Variants in LTBP2 observed in about 807,000 individuals in gnomAD.
LTBP2 encodes latent transforming growth factor beta binding protein 2, also known as latent-transforming growth factor beta-binding protein 2.
LTBP2 carries 103 observed loss-of-function variants against 210.6 expected under a neutral mutation model. The observed-to-expected ratio is 0.49, with a 90% CI of 0.42 to 0.58. The LOEUF is 0.58. LTBP2 is among the 20% of genes least tolerant of loss of function. The probability of loss-of-function intolerance (pLI) is 0.00; values close to 1 mark genes in which losing one functional copy is unlikely to be tolerated. For synonymous variants in LTBP2, 1,007 were observed against 1,015.0 expected (o/e 0.99, Z 0.15); for missense variants, 2,313 against 2,494.5 (o/e 0.93, Z 1.55).
Position 74,508,171 on chromosome 14 carries a change from G to T in LTBP2, c.3653-76C>A. On this transcript the variant is annotated intron_variant, in intron 24 of 35. Coordinates refer to ENST00000261978, the MANE Select transcript of LTBP2 (RefSeq NM_000428.3). ...TAGGGTCCTGTGTAGCTTCCTCTGGGCCCTGAGTAGCCCATAGGAGAGTCA... is the reference window on the plus strand; with the variant it reads ...TAGGGTCCTGTGTAGCTTCCTCTGGTCCCTGAGTAGCCCATAGGAGAGTCA... The T allele has an allele frequency of 1.9e-6, 3 of 1,549,054 alleles. No homozygotes were observed. The South Asian group carries it at 3.4e-5, about 18-fold the overall frequency.
At chr14:74,535,040 T>A (rs1437662445) in intron 9 of LTBP2, among the ~76,000 whole-genome samples, 2 of 151,972 alleles carry the variant, frequency 1.3e-5, no homozygotes, top group East Asian at 3.9e-4. Flanking sequence ...AATACGTATT[T>A]CTCCCTACAT....
intron 13 of LTBP2, among the ~76,000 whole-genome samples, chr14:74,526,495 G>A (rs559403908): frequency 1.3e-5 from 2 of 152,376 alleles, no homozygotes; most frequent in South Asian, 2.1e-4. Flanking sequence ...CAGGGCCAGA[G>A]TGGGGAAGCT....
At position 74,603,667 on chromosome 14, in the gene LTBP2, G is replaced by A. The variant is rs1353271630; in HGVS notation, c.533C>T (p.Thr178Ile). Reference sequence around the variant, plus strand: ...ACAGTGGTTGGTGCTGTTTGCTGTTGTCCATCCTGGGCAGCACTGTCCCCC... The same window carrying A: ...ACAGTGGTTGGTGCTGTTTGCTGTTATCCATCCTGGGCAGCACTGTCCCCC... ...VCGGQCCPGWTTANSTNHCIK... is the reference protein window; with the variant it reads ...VCGGQCCPGWITANSTNHCIK... Residue 178 changes from threonine (T) to isoleucine (I), a missense_variant, in exon 2 of 36, where the codon ACA (threonine) becomes ATA (isoleucine). Physicochemically the swap from Thr to Ile is moderately conservative, Grantham distance 89. This residue lies in a region of LTBP2 where 1,867 missense variants were observed against 1,976.9 expected (regional missense o/e 0.94). Coordinates refer to ENST00000261978, the MANE Select transcript of LTBP2 (RefSeq NM_000428.3). 1 of 1,614,068 alleles carries A rather than the reference G, an allele frequency of 6.2e-7. No individual in the cohort carries two copies. The highest frequency in any genetic ancestry group is 8.5e-7 in the Non-Finnish European group (1 of 1,180,042).
rs373253770 is a variant in LTBP2, at chr14:74,508,650, C to A, written c.3606G>T (p.Leu1202=). The stretch of plus-strand genomic sequence containing the variant: ...CTGCGCTGACGAAGCCAGGCGCGCA[C>A]AGACAGAAGAAAGACCCGTGGCTGT... The part of the protein sequence containing the change: ...CLNSHGSFFC[L]CAPGFVSAEG... Residue 1202 remains leucine, a synonymous_variant, in exon 24 of 36, where the codon CTG becomes CTT. Transcript: ENST00000261978. The A allele has an allele frequency of 5.5e-5, 89 of 1,612,930 alleles. No individual in the cohort carries two copies. The highest frequency in any genetic ancestry group is 7.5e-5 in the Non-Finnish European group (88 of 1,180,006).
chr14:74,574,419 A>G (rs1689039020), intron 3 of LTBP2, among the ~76,000 whole-genome samples: 1 of 152,080 alleles, frequency 6.6e-6, no homozygotes, highest in Non-Finnish European at 1.5e-5. Flanking sequence ...ATACTCCACT[A>G]TTTGGACACG....
chr14:74,580,267 T>C (rs1417078440), intron 3 of LTBP2, among the ~76,000 whole-genome samples: 1 of 152,118 alleles, frequency 6.6e-6, no homozygotes. Flanking sequence ...TGTGTCCTCA[T>C]GAAGACGTGA....
chr14:74,539,283 C>T (rs2087461661), intron 8 of LTBP2, among the ~76,000 whole-genome samples: 1 of 152,196 alleles, frequency 6.6e-6, no homozygotes, highest in Non-Finnish European at 1.5e-5. Context: ...GGGTTGAAAT[C>T]GGGCCTCTAG....
At chr14:74,584,614 C>T (rs2088178664) in intron 3 of LTBP2, among the ~76,000 whole-genome samples, 1 of 152,154 alleles carries the variant, frequency 6.6e-6, no homozygotes, top group South Asian at 2.1e-4. Context: ...CTTAGCTCTG[C>T]TCCTTGTTTC....
rs150278906 is a variant in LTBP2, at chr14:74,559,164, A to G, written c.831-3471T>C. Among the ~76,000 whole-genome samples, 37 of 152,344 alleles carry G rather than the reference A, an allele frequency of 2.4e-4. 1 individual carries two copies. In the East Asian group the frequency reaches 7.1e-3, roughly 29 times the overall value. On this transcript the variant is annotated intron_variant, in intron 3 of 35. Coordinates refer to ENST00000261978, the MANE Select transcript of LTBP2 (RefSeq NM_000428.3). Reference sequence around the variant, plus strand: ...CATCTCCCCAAGCAAATAAGAAAACATGACTGGGCCACTTAAAGTTCTTCT... The same window carrying G: ...CATCTCCCCAAGCAAATAAGAAAACGTGACTGGGCCACTTAAAGTTCTTCT...
At chr14:74,530,974 G>A (rs1329009303) in intron 10 of LTBP2, among the ~76,000 whole-genome samples, 5 of 152,248 alleles carry the variant, frequency 3.3e-5, no homozygotes, top group Non-Finnish European at 7.3e-5. Flanking sequence ...GCCCGCCACA[G>A]GTAAATCATC....
chr14:74,535,818 A>T, intron 9 of LTBP2, 108 bp downstream of exon 9: 1 of 956,072 alleles, frequency 1.0e-6, no homozygotes, highest in Non-Finnish European at 1.7e-6. Flanking sequence ...GCTGGGGCTT[A>T]GAGGGACTCA....
chr14:74,537,764 C>CT (rs906580921), intron 8 of LTBP2, among the ~76,000 whole-genome samples: 12 of 151,456 alleles, frequency 7.9e-5, no homozygotes, highest in South Asian at 2.1e-4. Context: ...TCTTCTTCTT[C>CT]TTTTTTTTGA....
At position 74,503,950 on chromosome 14, in the gene LTBP2, C is replaced by T. The variant is rs545992602; in HGVS notation, c.4558G>A (p.Asp1520Asn). 13 of 1,614,000 alleles carry T rather than the reference C, an allele frequency of 8.1e-6. No individual in the cohort carries two copies. Among genetic ancestry groups the T allele is most frequent in the East Asian group, 4.5e-5 (2 of 44,888 alleles). Reference protein sequence around the residue: ...VCLCNPGFHYDASHKKCEDHD... With the variant: ...VCLCNPGFHYNASHKKCEDHD... ...CCCTCACACTTCTTGTGGGAAGCAT[C>T]GTAGTGGAAGCCGGGATTGCACAGG... Residue 1520 changes from aspartate to asparagine, a missense_variant, in exon 31 of 36, where the codon GAT becomes AAT. Asp to Asn is a conservative substitution (Grantham distance 23, BLOSUM62 1). Around this residue, in one of 3 missense-constraint regions of LTBP2, gnomAD observed 443 missense variants for 501.4 expected, o/e 0.88. Coordinates refer to ENST00000261978, the MANE Select transcript of LTBP2 (RefSeq NM_000428.3).
Position 74,503,460 on chromosome 14 carries a change from C to T in LTBP2, c.4720+9G>A, listed in dbSNP as rs777126473. Reference sequence around the variant, plus strand: ...CTTCTCCTGCTCCCCCACGCTCAGGCCCACTCACCCGTGCTGCTGGTGCTG... The same window carrying T: ...CTTCTCCTGCTCCCCCACGCTCAGGTCCACTCACCCGTGCTGCTGGTGCTG... On this transcript the variant is annotated intron_variant, in intron 32 of 35. Coordinates refer to ENST00000261978, the MANE Select transcript of LTBP2 (RefSeq NM_000428.3). 1.2e-6 allele frequency: 2 copies of T among 1,610,182 alleles called. No homozygotes were observed. Among genetic ancestry groups the T allele is most frequent in the South Asian group, 2.2e-5 (2 of 90,686 alleles).
At chr14:74,509,404 C>G in intron 21 of LTBP2, 41 bp from the exon 22 acceptor site, 2 of 1,612,008 alleles carry the variant, frequency 1.2e-6, no homozygotes, top group African/African-American at 1.3e-5. Context: ...TAGGAGGGCT[C>G]CCACTCCCCA....
intron 8 of LTBP2, among the ~76,000 whole-genome samples, chr14:74,544,748 C>T (rs1386326733): frequency 6.6e-6 from 1 of 152,216 alleles, no homozygotes; most frequent in Non-Finnish European, 1.5e-5. Flanking sequence ...TTTTCTTTGT[C>T]GACTCCTATG....
In LTBP2 at chr14:74,551,338, G is replaced by A. The variant is rs1280617179; in HGVS notation, c.1412C>T (p.Pro471Leu). 6.3e-7 allele frequency: 1 copy of A among 1,576,026 alleles called. No individual in the cohort carries two copies. Among genetic ancestry groups the A allele is most frequent in the East Asian group, 2.3e-5 (1 of 44,160 alleles). The change falls in exon 7 of 36, where the codon CCC (proline) becomes CTC (leucine). Residue 471 changes from proline to leucine, a missense_variant. Around this residue, in one of 3 missense-constraint regions of LTBP2, gnomAD observed 1,867 missense variants for 1,976.9 expected, o/e 0.94. Transcript: ENST00000261978. ...PLSNQLASVN[P>L]SLVKVHIHHP... The stretch of plus-strand genomic sequence containing the variant: ...GTGAATGTGCACCTTCACCAGGGAG[G>A]GGTTCACGGAGGCTGGGCACAGGGG...
chr14:74,530,284 A>G (rs553872516), intron 10 of LTBP2, among the ~76,000 whole-genome samples: 36 of 152,332 alleles, frequency 2.4e-4, no homozygotes, highest in African/African-American at 7.2e-4. Flanking sequence ...AGGAGGCCCA[A>G]TGATAATCAG....
intron 3 of LTBP2, among the ~76,000 whole-genome samples, chr14:74,556,760 C>T (rs995113621): frequency 3.3e-5 from 5 of 152,176 alleles, no homozygotes; most frequent in East Asian, 1.9e-4. Flanking sequence ...TCAGGTGATC[C>T]GCCCACCTTG....
Sources: allele counts gnomAD v4.1 joint callset (sites outside exome capture counted in the v4.1 genomes callset), GRCh38; gene constraint gnomAD v4.1.1; regional missense constraint gnomAD v4.1.1; transcripts MANE v1.5; gene names NCBI Gene and HGNC (gene_info 2026-07-23, HGNC 2026-07-21).